SMAD6: variants seen among roughly 807,000 people sequenced by gnomAD.
SMAD6 encodes MAD homolog 6.
SMAD6 carries 103 observed loss-of-function variants against 39.4 expected under a neutral mutation model. The ratio of observed to expected loss-of-function variants is 2.62; its 90% CI spans 2.23 to 3.08. The LOEUF (loss-of-function observed/expected upper bound fraction) is 3.08, where lower values mean the gene tolerates loss of function less well. Among genes scored for constraint, SMAD6 ranks in the 30% most tolerant of loss-of-function variants. The pLI is 0.00. For missense variants in SMAD6, 1,104 were observed against 742.9 expected, an observed-to-expected ratio of 1.49 and a Z score of -5.65; for synonymous variants, 445 against 353.3, an observed-to-expected ratio of 1.26 and a Z score of -2.91.
Position 66,703,490 on chromosome 15 carries a change from C to T in SMAD6, c.232C>T (p.Gln78Ter), listed in dbSNP as rs1893026145. 1 of 1,233,424 alleles carries T rather than the reference C, an allele frequency of 8.1e-7. No individual in the cohort carries two copies. Among genetic ancestry groups the T allele is most frequent in the Non-Finnish European group, 1.0e-6 (1 of 984,412 alleles). The allele number at this position is 1,233,424 out of a possible 1,614,324, so 76.4% of individuals were successfully genotyped here. Reference sequence around the variant, plus strand: ...GGACGCAGTGGGACAGCGAGGCGCCCAGGGCGCGGGGAGGCGCCGGCGCGC... The same window carrying T: ...GGACGCAGTGGGACAGCGAGGCGCCTAGGGCGCGGGGAGGCGCCGGCGCGC... ...PRDAVGQRGA[Q>*]GAGRRRRAGG... The change falls in exon 1 of 4, where the codon CAG (glutamine) becomes TAG (stop). Residue 78 changes from glutamine to a stop codon, truncating the protein, a stop_gained. Transcript: ENST00000288840. LOFTEE classifies it high-confidence loss of function.
chr15:66,704,763 C>T (rs1267746563), intron 1 of SMAD6: 1 of 152,238 alleles, frequency 6.6e-6, no homozygotes, highest in Non-Finnish European at 1.5e-5. Context: ...AGTTTAGGGT[C>T]TTGGAGGCAT....
At chr15:66,745,230 G>C (rs957706863) in intron 3 of SMAD6, among the ~76,000 whole-genome samples, 3 of 152,066 alleles carry the variant, frequency 2.0e-5, no homozygotes, top group African/African-American at 4.8e-5. Flanking sequence ...AAGAAGAGAG[G>C]CCCCAGCCAC....
At chr15:66,771,504 T>C (rs796155257) in intron 3 of SMAD6, among the ~76,000 whole-genome samples, 43 of 152,278 alleles carry the variant, frequency 2.8e-4, no homozygotes, top group African/African-American at 8.7e-4. Flanking sequence ...CAGAAAACCC[T>C]TGGCCTCCAG....
At chr15:66,717,514 T>G (rs1191354477) in intron 3 of SMAD6, 1 of 444,072 alleles carries the variant, frequency 2.3e-6, no homozygotes, top group African/African-American at 2.0e-5. Flanking sequence ...CAAATGTACC[T>G]TCAATAAATG....
intron 3 of SMAD6, among the ~76,000 whole-genome samples, chr15:66,730,360 C>G (rs1893605761): frequency 6.6e-6 from 1 of 152,200 alleles, no homozygotes; most frequent in East Asian, 1.9e-4. Context: ...CTCCAGGAAG[C>G]CTTCAGGGAT....
At chr15:66,715,289 G>GAAAAA (rs199551873) in intron 2 of SMAD6, among the ~76,000 whole-genome samples, 1 of 135,250 alleles carries the variant, frequency 7.4e-6, no homozygotes, top group Admixed American at 7.2e-5. Context: ...AACGAGAGAG[G>GAAAAA]AAAAAAAAAA....
In SMAD6 at chr15:66,703,774, CA is replaced by C; in HGVS notation, c.520del (p.Thr174ProfsTer7). The C allele has an allele frequency of 5.6e-6, 8 of 1,432,224 alleles. No homozygotes were observed. The highest frequency in any genetic ancestry group is 1.4e-5 in the South Asian group (1 of 71,920). 88.7% of individuals were successfully genotyped at this position (1,432,224 alleles called of 1,614,324 possible). On this transcript the variant is annotated frameshift_variant, in exon 1 of 4. Transcript: ENST00000288840. LOFTEE classifies it high-confidence loss of function. Reference protein sequence around the residue: ...SRLLLLEQELKTVTYSLLKRL... With the variant: ...SRLLLLEQELXTVTYSLLKRL... ...GGCTGCTGCTGCTGGAGCAGGAACT[CA>C]AAACCGTCACGTACTCGCTGCTGAA...
chr15:66,703,373 T>G lies in SMAD6; in HGVS notation c.115T>G (p.Leu39Val), dbSNP rs1399232349. The G allele has an allele frequency of 1.4e-6, 2 of 1,461,634 alleles. No homozygotes were observed. The highest frequency in any genetic ancestry group is 1.8e-6 in the Non-Finnish European group (2 of 1,106,550). 90.5% of individuals were successfully genotyped at this position (1,461,634 alleles called of 1,614,324 possible). Residue 39 changes from leucine to valine, a missense_variant, in exon 1 of 4, where the codon TTG becomes GTG. Physicochemically the swap from Leu to Val is conservative, Grantham distance 32. Coordinates refer to ENST00000288840, the MANE Select transcript of SMAD6 (RefSeq NM_005585.5). ...GGGGGDEDGS[L>V]GSRAEPAPRA... ...CGGTGGCGGCGACGAGGATGGGAGC[T>G]TGGGCAGCCGAGCTGAGCCGGCCCC... is the stretch of plus-strand genomic sequence containing the variant.
At chr15:66,733,146 T>C (rs574215233) in intron 3 of SMAD6, among the ~76,000 whole-genome samples, 1 of 152,340 alleles carries the variant, frequency 6.6e-6, no homozygotes, top group East Asian at 1.9e-4. Context: ...TTCTTAACTT[T>C]GTCCCATGGT....
At chr15:66,713,886 G>A (rs1386074410) in intron 2 of SMAD6, among the ~76,000 whole-genome samples, 10 of 152,182 alleles carry the variant, frequency 6.6e-5, no homozygotes, top group Non-Finnish European at 1.3e-4. Flanking sequence ...ATCATGTGGT[G>A]GAAGCTTGTC....
At chr15:66,714,327 CCCA>C (rs1893286091) in intron 2 of SMAD6, among the ~76,000 whole-genome samples, 1 of 152,014 alleles carries the variant, frequency 6.6e-6, no homozygotes, top group South Asian at 2.1e-4. Context: ...AATAGCTCAG[CCCA>C]CCACCTGTTT....
chr15:66,762,884 A>G (rs1894224795), intron 3 of SMAD6, among the ~76,000 whole-genome samples: 1 of 152,010 alleles, frequency 6.6e-6, no homozygotes, highest in Non-Finnish European at 1.5e-5. Context: ...CAAGGGGAAG[A>G]TGCAGAGGAG....
At chr15:66,719,847 T>A (rs891342765) in intron 3 of SMAD6, among the ~76,000 whole-genome samples, 11 of 152,114 alleles carry the variant, frequency 7.2e-5, no homozygotes, top group African/African-American at 2.7e-4. Context: ...CAGCTCCCAA[T>A]TTGGATACGT....
At chr15:66,725,021 C>T (rs1048122755) in intron 3 of SMAD6, among the ~76,000 whole-genome samples, 4 of 152,210 alleles carry the variant, frequency 2.6e-5, no homozygotes, top group Non-Finnish European at 5.9e-5. Context: ...GGGTCCCCCT[C>T]CTCCTATCCC....
At position 66,703,021 on chromosome 15, in the gene SMAD6, C is replaced by T. The variant is rs1249009519; in HGVS notation, c.-238C>T. The T allele has an allele frequency of 1.1e-5, 4 of 374,258 alleles. No individual in the cohort carries two copies. In the East Asian group the frequency reaches 1.6e-4, roughly 15 times the overall value. 23.2% of individuals were successfully genotyped at this position (374,258 alleles called of 1,614,324 possible). On this transcript the variant is annotated 5_prime_UTR_variant, in exon 1 of 4. Coordinates refer to ENST00000288840, the MANE Select transcript of SMAD6 (RefSeq NM_005585.5). ...CCGCTGTGGTCCATGTAGCCGCTGG[C>T]CGCGCGCGGACTGCGGCTCGGCGTG...
intron 3 of SMAD6, among the ~76,000 whole-genome samples, chr15:66,780,247 G>A (rs1370429591): frequency 1.3e-5 from 2 of 152,266 alleles, no homozygotes; most frequent in East Asian, 1.9e-4. Context: ...GCCAACTCAG[G>A]TGGGCGGTAC....
intron 3 of SMAD6, among the ~76,000 whole-genome samples, chr15:66,719,971 C>T (rs1419766062): frequency 6.6e-6 from 1 of 152,150 alleles, no homozygotes; most frequent in Non-Finnish European, 1.5e-5. Context: ...AGACCTTACA[C>T]CTGGAGTCTT....
chr15:66,728,932 G>A (rs1298371468), intron 3 of SMAD6, among the ~76,000 whole-genome samples: 1 of 152,164 alleles, frequency 6.6e-6, no homozygotes, highest in African/African-American at 2.4e-5. Flanking sequence ...TACATACCTG[G>A]GAGTGGAATT....
At chr15:66,748,326 A>G (rs1273236245) in intron 3 of SMAD6, among the ~76,000 whole-genome samples, 1 of 152,138 alleles carries the variant, frequency 6.6e-6, no homozygotes, top group Non-Finnish European at 1.5e-5. Flanking sequence ...ATTGTGGAAA[A>G]TATAATGCTA....
Sources: gnomAD v4.1 joint callset for allele counts (sites outside exome capture counted in the v4.1 genomes callset) on GRCh38, gnomAD v4.1.1 for gene constraint, MANE v1.5 for transcripts, NCBI Gene and HGNC (gene_info 2026-07-23, HGNC 2026-07-21) for gene names.